DOCK8: variants seen among roughly 807,000 people sequenced by gnomAD.
DOCK8 encodes the protein dedicator of cytokinesis protein 8.
Under a neutral mutation model 245.6 loss-of-function variants are expected in DOCK8, and 141 were observed. That is an observed-to-expected ratio of 0.57 (90% CI 0.50 to 0.66). The LOEUF (loss-of-function observed/expected upper bound fraction) is 0.66. Ranked by LOEUF, DOCK8 falls within the 30% of genes least tolerant of loss-of-function variation. The pLI is 0.00. For synonymous variants in DOCK8, 1,168 were observed against 970.2 expected (o/e 1.20, Z -3.79); for missense variants, 2,965 against 2,603.4 (o/e 1.14, Z -3.02).
chr9:446,182 A>C (rs1191315367), intron 43 of DOCK8, among the ~76,000 whole-genome samples, 188 bp from the exon 44 acceptor site: 1 of 152,156 alleles, frequency 6.6e-6, no homozygotes, highest in Non-Finnish European at 1.5e-5. Flanking sequence ...CCCTCCTTGC[A>C]GCCCCTTCTG....
At chr9:350,071 G>A (rs142388931) in intron 14 of DOCK8, among the ~76,000 whole-genome samples, 37 of 152,114 alleles carry the variant, frequency 2.4e-4, no homozygotes, top group African/African-American at 8.7e-4. Context: ...CCTCAAGTTC[G>A]GCTCATCGCA....
chr9:376,362 G>T (rs957820729), intron 19 of DOCK8, 57 bp downstream of exon 19: 1 of 1,183,866 alleles, frequency 8.4e-7, no homozygotes, highest in Non-Finnish European at 1.3e-6. Context: ...AGCCTTTGAA[G>T]GACAGGCCAA....
In DOCK8 at chr9:310,994, A is replaced by T. The variant is rs2050082932; in HGVS notation, c.529-960A>T. On this transcript the variant is annotated intron_variant, in intron 5 of 47. Transcript: ENST00000432829. ...AGATAGCAGCCAAAATGGATTAAAG[A>T]CTTAAATGGGGCCGGGCGCAGTGGC... Among the ~76,000 whole-genome samples the T allele has an allele frequency of 2.0e-5, 3 of 151,990 alleles. No homozygotes were observed. The South Asian group carries it at 6.2e-4, about 31-fold the overall frequency.
In DOCK8 at chr9:343,714, C is replaced by T. The variant is rs191497226; in HGVS notation, c.1679+3393C>T. Reference sequence around the variant, plus strand: ...AAGCATTCTCAGGATGCAGTAGTTTCGATTCTCTATTCCTTAGAGGAAGAT... The same window carrying T: ...AAGCATTCTCAGGATGCAGTAGTTTTGATTCTCTATTCCTTAGAGGAAGAT... On this transcript the variant is annotated intron_variant, in intron 14 of 47. Coordinates refer to ENST00000432829, the MANE Select transcript of DOCK8 (RefSeq NM_203447.4). Among the ~76,000 whole-genome samples, 593 of 152,262 alleles carry T rather than the reference C, an allele frequency of 3.9e-3. 14 individuals carry two copies. The highest frequency in any genetic ancestry group is 0.037 in the Admixed American group (560 of 15,292).
intron 44 of DOCK8, among the ~76,000 whole-genome samples, chr9:448,504 C>T (rs1466485039): frequency 6.6e-6 from 1 of 152,172 alleles, no homozygotes; most frequent in Non-Finnish European, 1.5e-5. Context: ...GACTGGGTGG[C>T]TTAAACAACT....
intron 1 of DOCK8, among the ~76,000 whole-genome samples, chr9:217,736 A>G (rs1313347172): frequency 6.6e-6 from 1 of 152,224 alleles, no homozygotes; most frequent in Non-Finnish European, 1.5e-5. Flanking sequence ...ACACTATATT[A>G]TACAGTTAAT....
intron 30 of DOCK8, among the ~76,000 whole-genome samples, chr9:419,165 G>C (rs1427901204): frequency 6.6e-6 from 1 of 152,220 alleles, no homozygotes; most frequent in Non-Finnish European, 1.5e-5. Flanking sequence ...GTAGGGTATA[G>C]ATGTGCAGAG....
At chr9:442,380 T>G (rs2057120448) in intron 42 of DOCK8, among the ~76,000 whole-genome samples, 1 of 152,176 alleles carries the variant, frequency 6.6e-6, no homozygotes, top group African/African-American at 2.4e-5. Context: ...CAACATGAAG[T>G]TTAGCATCTT....
chr9:415,032 G>A (rs2055927512), intron 29 of DOCK8, 81 bp downstream of exon 29: 5 of 1,562,868 alleles, frequency 3.2e-6, no homozygotes, highest in Non-Finnish European at 3.5e-6. Flanking sequence ...TCTGTCATTC[G>A]TTCCAGTGCT....
chr9:312,233 G>T, intron 6 of DOCK8, 67 bp downstream of exon 6: 1 of 1,557,952 alleles, frequency 6.4e-7, no homozygotes, highest in Non-Finnish European at 8.8e-7. Flanking sequence ...GGACAATTGT[G>T]TTGTTCATTA....
intron 16 of DOCK8, among the ~76,000 whole-genome samples, chr9:370,648 C>T (rs1269335923): frequency 6.6e-6 from 1 of 152,242 alleles, no homozygotes; most frequent in Non-Finnish European, 1.5e-5. Flanking sequence ...GCTCCCCTTG[C>T]CCTGTGTGTC....
chr9:329,677 T>C (rs1274338993), intron 9 of DOCK8, among the ~76,000 whole-genome samples: 1 of 152,236 alleles, frequency 6.6e-6, no homozygotes, highest in East Asian at 1.9e-4. Flanking sequence ...TCTGTCAGCC[T>C]AGGAAACTGA....
Position 440,775 on chromosome 9 carries a change from G to A in DOCK8, c.5224-511G>A, listed in dbSNP as rs550441230. Among the ~76,000 whole-genome samples, 19 of 152,260 alleles carry A rather than the reference G, an allele frequency of 1.2e-4. No homozygotes were observed. In the South Asian group the frequency reaches 3.3e-3, roughly 27 times the overall value. ...TGTTTTTGAGGCAGCGTCTTGCCTTGTCACCCAGGCTGGAGTGCAGTGATG... is the reference window on the plus strand; with the variant it reads ...TGTTTTTGAGGCAGCGTCTTGCCTTATCACCCAGGCTGGAGTGCAGTGATG... On this transcript the variant is annotated intron_variant, in intron 40 of 47. Coordinates refer to ENST00000432829, the MANE Select transcript of DOCK8 (RefSeq NM_203447.4).
Position 414,944 on chromosome 9 carries a change from C to T in DOCK8, c.3693C>T (p.Asp1231=). 1 of 1,613,542 alleles carries T rather than the reference C, an allele frequency of 6.2e-7. No individual in the cohort carries two copies. The highest frequency in any genetic ancestry group is 8.5e-7 in the Non-Finnish European group (1 of 1,180,014). The part of the protein sequence containing the change: ...IILDALPQLC[D]FTVADTRRYR... ...TGGATGCTTTGCCACAGCTCTGTGA[C>T]TTTACAGGTAATGGCCCTTCTGTTT... Residue 1231 remains aspartate (D), a synonymous_variant, in exon 29 of 48, where the codon GAC becomes GAT. Coordinates refer to ENST00000432829, the MANE Select transcript of DOCK8 (RefSeq NM_203447.4).
chr9:414,952 G>T lies in DOCK8; in HGVS notation c.3700+1G>T. On this transcript the variant is annotated splice_donor_variant, in intron 29 of 47. Coordinates refer to ENST00000432829, the MANE Select transcript of DOCK8 (RefSeq NM_203447.4). LOFTEE classifies it high-confidence loss of function. ...TTGCCACAGCTCTGTGACTTTACAG[G>T]TAATGGCCCTTCTGTTTTCTTTCTT... 1 of 1,613,176 alleles carries T rather than the reference G, an allele frequency of 6.2e-7. No homozygotes were observed.
intron 14 of DOCK8, 84 bp from the exon 15 acceptor site, chr9:367,934 A>C: frequency 8.7e-7 from 1 of 1,152,352 alleles, no homozygotes; most frequent in Non-Finnish European, 1.3e-6. Context: ...CACCCCATGA[A>C]TGGAAGTCTC....
intron 18 of DOCK8, among the ~76,000 whole-genome samples, chr9:374,802 T>A (rs2053455011): frequency 6.6e-6 from 1 of 152,064 alleles, no homozygotes; most frequent in Non-Finnish European, 1.5e-5. Flanking sequence ...TAGATGATTT[T>A]AAATTACATA....
At chr9:322,942 A>G (rs573983486) in intron 7 of DOCK8, among the ~76,000 whole-genome samples, 3 of 151,960 alleles carry the variant, frequency 2.0e-5, no homozygotes, top group African/African-American at 7.2e-5. Context: ...AATATACAAA[A>G]ATTAGCTGGG....
chr9:400,070 TCACCATCACCACCACCTC>T (rs2054726500), intron 26 of DOCK8, among the ~76,000 whole-genome samples: 1 of 32,004 alleles, frequency 3.1e-5, no homozygotes, highest in Non-Finnish European at 5.6e-5. Flanking sequence ...TCCTTCACCA[TCACCATCACCACCACCTC>T]CACCATCACC....
Sources: gnomAD v4.1 joint callset for allele counts (sites outside exome capture counted in the v4.1 genomes callset) on GRCh38, gnomAD v4.1.1 for gene constraint, MANE v1.5 for transcripts, NCBI Gene and HGNC (gene_info 2026-07-23, HGNC 2026-07-21) for gene names.